The following CSMD3 variants were observed in gnomAD, a reference collection of about 807,000 sequenced individuals.
CSMD3 encodes the protein CUB and sushi domain-containing protein 3.
In CSMD3, 177 loss-of-function variants were observed where a neutral mutation model predicts 435.2. The ratio of observed to expected loss-of-function variants is 0.41; its 90% confidence interval spans 0.36 to 0.46. CSMD3 has a LOEUF of 0.46. Ranked by LOEUF, CSMD3 falls within the 20% of genes least tolerant of loss-of-function variation. CSMD3 has a pLI of 0.34. For synonymous variants in CSMD3, 1,656 were observed against 1,520.5 expected (o/e 1.09, Z -2.07); for missense variants, 4,265 against 4,504.6 (o/e 0.95, Z 1.52).
intron 22 of CSMD3, among the ~76,000 whole-genome samples, chr8:112,622,935 T>C (rs1302713391): frequency 2.0e-5 from 3 of 152,106 alleles, no homozygotes; most frequent in African/African-American, 7.2e-5. Flanking sequence ...AACTATGTTT[T>C]TCAACTTGCC....
At chr8:112,532,421 T>A (rs530819456) in intron 27 of CSMD3, among the ~76,000 whole-genome samples, 2 of 152,092 alleles carry the variant, frequency 1.3e-5, no homozygotes, top group Non-Finnish European at 2.9e-5. Context: ...CATTTAATAA[T>A]CAAACTCTCA....
At chr8:112,970,388 T>A (rs1236128210) in intron 7 of CSMD3, among the ~76,000 whole-genome samples, 3 of 92,296 alleles carry the variant, frequency 3.3e-5, no homozygotes, top group African/African-American at 1.3e-4. Context: ...AGAGCTAGAC[T>A]CCCTCTCAAA....
chr8:113,090,148 C>G (rs1369278740), intron 5 of CSMD3, among the ~76,000 whole-genome samples: 1 of 151,860 alleles, frequency 6.6e-6, no homozygotes, highest in Non-Finnish European at 1.5e-5. Context: ...AAATCCATGC[C>G]ATCAAAGGAT....
intron 1 of CSMD3, among the ~76,000 whole-genome samples, chr8:113,362,961 A>C (rs1408890329): frequency 1.3e-5 from 2 of 152,150 alleles, no homozygotes; most frequent in Admixed American, 6.5e-5. Context: ...AAAAATATTG[A>C]ATCTGTATTC....
intron 40 of CSMD3, among the ~76,000 whole-genome samples, chr8:112,347,098 A>C (rs1825751618): frequency 6.6e-6 from 1 of 152,198 alleles, no homozygotes; most frequent in Non-Finnish European, 1.5e-5. Flanking sequence ...ATAAGTAAAA[A>C]GATGCACACA....
intron 22 of CSMD3, among the ~76,000 whole-genome samples, chr8:112,635,212 G>T (rs2131574405): frequency 2.0e-5 from 3 of 152,098 alleles, no homozygotes; most frequent in Admixed American, 2.0e-4. Context: ...ATATTCAAGG[G>T]ATTGTGCCAG....
chr8:112,609,040 T>C (rs1258716932), intron 22 of CSMD3, among the ~76,000 whole-genome samples: 1 of 150,620 alleles, frequency 6.6e-6, no homozygotes, highest in Non-Finnish European at 1.5e-5. Context: ...AGGGTAACAA[T>C]CAACAAAATG....
chr8:113,434,760 T>C (rs2094694998), intron 1 of CSMD3, among the ~76,000 whole-genome samples: 2 of 152,226 alleles, frequency 1.3e-5, no homozygotes, highest in Non-Finnish European at 1.5e-5. Flanking sequence ...CTTTCCTTTC[T>C]ATCGGCGCAT....
At chr8:112,840,508 G>C (rs944196815) in intron 11 of CSMD3, among the ~76,000 whole-genome samples, 1 of 151,684 alleles carries the variant, frequency 6.6e-6, no homozygotes, top group South Asian at 2.1e-4. Flanking sequence ...TAACAATGTA[G>C]TGTATATTCC....
At chr8:113,280,123 T>C (rs1226227375) in intron 2 of CSMD3, among the ~76,000 whole-genome samples, 1 of 151,868 alleles carries the variant, frequency 6.6e-6, no homozygotes, top group Non-Finnish European at 1.5e-5. Context: ...CAGTCTGTAG[T>C]TTCCTTTTTT....
chr8:113,060,312 A>G (rs952826097), intron 5 of CSMD3, among the ~76,000 whole-genome samples: 11 of 148,214 alleles, frequency 7.4e-5, no homozygotes, highest in Non-Finnish European at 1.5e-4. Flanking sequence ...TGTCCCTACA[A>G]AGGATATGAA....
At chr8:113,288,371 A>G (rs1161710350) in intron 2 of CSMD3, among the ~76,000 whole-genome samples, 3 of 151,908 alleles carry the variant, frequency 2.0e-5, no homozygotes, top group Non-Finnish European at 4.4e-5. Flanking sequence ...TGTTTTTACC[A>G]TTGACTTTAG....
intron 9 of CSMD3, among the ~76,000 whole-genome samples, chr8:112,939,920 T>C (rs536618674): frequency 7.9e-5 from 12 of 151,978 alleles, no homozygotes; most frequent in South Asian, 2.1e-4. Flanking sequence ...CAAATACTTA[T>C]AGCAGTATGG....
At chr8:113,235,270 C>T (rs1255002985) in intron 3 of CSMD3, among the ~76,000 whole-genome samples, 1 of 152,090 alleles carries the variant, frequency 6.6e-6, no homozygotes, top group Non-Finnish European at 1.5e-5. Flanking sequence ...TAATGTCCCT[C>T]CCTACCTTCC....
intron 13 of CSMD3, among the ~76,000 whole-genome samples, chr8:112,693,621 T>C (rs1040765931): frequency 1.3e-5 from 2 of 151,998 alleles, no homozygotes; most frequent in Non-Finnish European, 2.9e-5. Flanking sequence ...TTAAATATAC[T>C]CATTTTTAAA....
chr8:112,328,275 T>C (rs1431861469), intron 45 of CSMD3, among the ~76,000 whole-genome samples: 1 of 152,204 alleles, frequency 6.6e-6, no homozygotes, highest in Non-Finnish European at 1.5e-5. Context: ...GAAATAAGCT[T>C]AAGCTATTTC....
intron 1 of CSMD3, among the ~76,000 whole-genome samples, chr8:113,380,142 G>A (rs1042980345): frequency 2.6e-5 from 4 of 151,988 alleles, no homozygotes; most frequent in African/African-American, 9.7e-5. Flanking sequence ...AACATCCGTG[G>A]GGTTCCCTCA....
chr8:112,790,820 C>G (rs73702215), intron 13 of CSMD3, among the ~76,000 whole-genome samples: 1,705 of 152,166 alleles, frequency 0.011, 34 homozygotes, highest in African/African-American at 0.039. Context: ...TGCTTATAAT[C>G]TTTTTCTTAT....
At chr8:112,621,343 T>C (rs1323324226) in intron 22 of CSMD3, among the ~76,000 whole-genome samples, 1 of 152,194 alleles carries the variant, frequency 6.6e-6, no homozygotes, top group Non-Finnish European at 1.5e-5. Context: ...GCAATCTTGC[T>C]GCATATTTGA....
Sources: allele counts gnomAD v4.1 joint callset (sites outside exome capture counted in the v4.1 genomes callset), GRCh38; gene constraint gnomAD v4.1.1; transcripts MANE v1.5; gene names NCBI Gene and HGNC (gene_info 2026-07-23, HGNC 2026-07-21).